Variants in LYPD1 observed in about 807,000 individuals in gnomAD.
LYPD1 encodes the protein ly6/PLAUR domain-containing protein 1.
In LYPD1, 14 loss-of-function variants were observed where a neutral mutation model predicts 14.2. That is an observed-to-expected ratio of 0.99 (90% CI 0.65 to 1.54). The LOEUF (loss-of-function observed/expected upper bound fraction) is 1.54, where lower values mean the gene tolerates loss of function less well. LYPD1 is among the 40% of genes most tolerant of loss of function. LYPD1 has a pLI of 0.00. For missense variants in LYPD1, 165 were observed against 175.7 expected, an observed-to-expected ratio of 0.94 and a Z score of 0.34; for synonymous variants, 85 against 70.6, an observed-to-expected ratio of 1.20 and a Z score of -1.02.
At chr2:132,650,598 A>G (rs1003758444) in intron 2 of LYPD1, among the ~76,000 whole-genome samples, 6 of 152,138 alleles carry the variant, frequency 3.9e-5, no homozygotes, top group Non-Finnish European at 8.8e-5. Flanking sequence ...CCAGTGTCTT[A>G]TCTGCACACT....
At chr2:132,650,730 AAAAAC>A (rs1290424205) in intron 2 of LYPD1, among the ~76,000 whole-genome samples, 1 of 54,890 alleles carries the variant, frequency 1.8e-5, no homozygotes, top group Non-Finnish European at 6.1e-5. Context: ...AAAAAAAACA[AAAAAC>A]AAAAACAAAA....
At chr2:132,667,778 G>A (rs920165411) in intron 2 of LYPD1, among the ~76,000 whole-genome samples, 1 of 152,162 alleles carries the variant, frequency 6.6e-6, no homozygotes. Flanking sequence ...TAGAGGGAGT[G>A]AGGGCTATCC....
At chr2:132,646,812 A>T (rs1051048798) in intron 2 of LYPD1, among the ~76,000 whole-genome samples, 2 of 152,186 alleles carry the variant, frequency 1.3e-5, no homozygotes, top group African/African-American at 4.8e-5. Flanking sequence ...TGAGTTTTCC[A>T]CGGGATTTAG....
rs530193488 is a variant in LYPD1, at chr2:132,645,886, C to T, written c.*159G>A. 2.0e-5 allele frequency: 13 copies of T among 660,640 alleles called. No homozygotes were observed. The highest frequency in any genetic ancestry group is 1.0e-4 in the Admixed American group (3 of 29,952). The allele number at this position is 660,640 out of a possible 1,614,324, so 40.9% of individuals were successfully genotyped here. On this transcript the variant is annotated 3_prime_UTR_variant, in exon 3 of 3. Coordinates refer to ENST00000397463, the MANE Select transcript of LYPD1 (RefSeq NM_144586.7). The stretch of plus-strand genomic sequence containing the variant: ...GCTGAATTTATTCAGAATGCTTTAC[C>T]GAGCTCTTTCATTATTTGCACAGGA...
rs1683530834 is a variant in LYPD1, at chr2:132,669,729, G to A, written c.52+152C>T. The A allele has an allele frequency of 1.4e-6, 2 of 1,423,110 alleles. No individual in the cohort carries two copies. The highest frequency in any genetic ancestry group is 1.8e-6 in the Non-Finnish European group (2 of 1,087,276). 88.2% of individuals were successfully genotyped at this position (1,423,110 alleles called of 1,614,324 possible). On this transcript the variant is annotated intron_variant, in intron 1 of 2. Transcript: ENST00000397463. The surrounding 1 kb of genome is among the most constrained non-coding windows in gnomAD (Gnocchi z 4.3). ...GGGACTTGGACACTTTCCCAGCCTCGCGCCCCGGGGCACCAGTCGCGGCCG... is the reference window on the plus strand; with the variant it reads ...GGGACTTGGACACTTTCCCAGCCTCACGCCCCGGGGCACCAGTCGCGGCCG...
At chr2:132,665,749 T>C (rs1318560238) in intron 2 of LYPD1, among the ~76,000 whole-genome samples, 2 of 152,260 alleles carry the variant, frequency 1.3e-5, no homozygotes, top group Non-Finnish European at 2.9e-5. Flanking sequence ...CCCAGAATCA[T>C]TGGGAAGTTT....
chr2:132,664,058 T>TGC (rs1683125272), intron 2 of LYPD1, among the ~76,000 whole-genome samples: 1 of 151,798 alleles, frequency 6.6e-6, no homozygotes, highest in Non-Finnish European at 1.5e-5. Context: ...TGTGTGTGTG[T>TGC]GCACATATGT....
chr2:132,655,715 C>T (rs1341495196), intron 2 of LYPD1, among the ~76,000 whole-genome samples: 2 of 151,908 alleles, frequency 1.3e-5, no homozygotes, highest in Admixed American at 6.6e-5. Flanking sequence ...GGGGTTTCAT[C>T]GTGTTAGCCA....
chr2:132,652,762 G>A (rs1682406651), intron 2 of LYPD1, among the ~76,000 whole-genome samples: 1 of 152,184 alleles, frequency 6.6e-6, no homozygotes, highest in African/African-American at 2.4e-5. Flanking sequence ...TCCTCTTTAA[G>A]TCTTTAGAGG....
At chr2:132,667,205 G>A (rs937553759) in intron 2 of LYPD1, among the ~76,000 whole-genome samples, 5 of 152,170 alleles carry the variant, frequency 3.3e-5, no homozygotes, top group African/African-American at 1.2e-4. Context: ...CTCGAGACAA[G>A]TTACCCTTGA....
chr2:132,645,999 G>T lies in LYPD1; in HGVS notation c.*46C>A, dbSNP rs376468874. 2.1e-6 allele frequency: 3 copies of T among 1,418,136 alleles called. No homozygotes were observed. In the African/African-American group the frequency reaches 4.3e-5, roughly 21 times the overall value. The allele number at this position is 1,418,136 out of a possible 1,614,324, so 87.8% of individuals were successfully genotyped here. On this transcript the variant is annotated 3_prime_UTR_variant, in exon 3 of 3. Transcript: ENST00000397463. Reference sequence around the variant, plus strand: ...CTCAGGGAGGTGGGGGGTTGGGGGCGAGGGCTGGAAGAACAATGCAGGAGG... The same window carrying T: ...CTCAGGGAGGTGGGGGGTTGGGGGCTAGGGCTGGAAGAACAATGCAGGAGG...
At chr2:132,665,003 A>G (rs931542962) in intron 2 of LYPD1, among the ~76,000 whole-genome samples, 6 of 152,248 alleles carry the variant, frequency 3.9e-5, no homozygotes, top group Admixed American at 3.9e-4. Flanking sequence ...TTAAATATCA[A>G]TTAGTAAGGA....
rs571454806 is a variant in LYPD1, at chr2:132,659,167, T to C, written c.190+9233A>G. Among the ~76,000 whole-genome samples the C allele has an allele frequency of 1.5e-4, 23 of 152,372 alleles. 1 individual carries two copies. In the South Asian group the frequency reaches 3.7e-3, roughly 25 times the overall value. On this transcript the variant is annotated intron_variant, in intron 2 of 2. Coordinates refer to ENST00000397463, the MANE Select transcript of LYPD1 (RefSeq NM_144586.7). ...GTATATTCAACTTGTCTTTATTCTA[T>C]TTTTCTTCTTATGCTAAACATTTAA...
chr2:132,663,708 G>A (rs866990065), intron 2 of LYPD1, among the ~76,000 whole-genome samples: 1 of 152,306 alleles, frequency 6.6e-6, no homozygotes, highest in South Asian at 2.1e-4. Context: ...GGGGTTAACA[G>A]TGAGAAATTA....
In LYPD1 at chr2:132,668,998, T is replaced by G. The variant is rs554879401; in HGVS notation, c.53-461A>C. ...GTCTTTTTAGTTTTTATTTATTTAA[T>G]TTTTAAAGTCAGCGTTTCTGTGCCA... On this transcript the variant is annotated intron_variant, in intron 1 of 2. Transcript: ENST00000397463. Among the ~76,000 whole-genome samples, 3 of 152,264 alleles carry G rather than the reference T, an allele frequency of 2.0e-5. No homozygotes were observed. The South Asian group carries it at 6.2e-4, about 31-fold the overall frequency.
intron 2 of LYPD1, among the ~76,000 whole-genome samples, chr2:132,657,591 C>T (rs1210327675): frequency 6.6e-6 from 1 of 152,152 alleles, no homozygotes; most frequent in Non-Finnish European, 1.5e-5. Flanking sequence ...GCACTTAACC[C>T]AAAGCACCCT....
At chr2:132,651,109 G>A (rs17396523) in intron 2 of LYPD1, among the ~76,000 whole-genome samples, 57,356 of 152,114 alleles carry the variant, frequency 0.38, 10,962 homozygotes, top group South Asian at 0.53. Context: ...TGTCTCTGGC[G>A]TGAGATTCTA....
Position 132,669,716 on chromosome 2 carries a change from C to T in LYPD1, c.52+165G>A. The T allele has an allele frequency of 1.4e-6, 2 of 1,395,622 alleles. No homozygotes were observed. Among genetic ancestry groups the T allele is most frequent in the Non-Finnish European group, 9.4e-7 (1 of 1,064,454 alleles). 86.5% of individuals were successfully genotyped at this position (1,395,622 alleles called of 1,614,324 possible). A position where few individuals can be genotyped will look rare whatever the true frequency, so the allele number is the denominator to read the frequency against. On this transcript the variant is annotated intron_variant, in intron 1 of 2. Transcript: ENST00000397463. This position sits in a 1 kb window ranked among gnomAD's most constrained non-coding sequence, Gnocchi z 4.3. ...CCTCCTGCAGCGCGGGACTTGGACA[C>T]TTTCCCAGCCTCGCGCCCCGGGGCA... is the stretch of plus-strand genomic sequence containing the variant.
rs1682029033 is a variant in LYPD1, at chr2:132,645,670, C to T, written c.*375G>A. ...CAGCCCTAAGAAAACGTCACTCTCA[C>T]TCTGCAGTCTCAAACTATGCCCCCA... On this transcript the variant is annotated 3_prime_UTR_variant, in exon 3 of 3. Coordinates refer to ENST00000397463, the MANE Select transcript of LYPD1 (RefSeq NM_144586.7). 1.3e-6 allele frequency: 2 copies of T among 1,546,522 alleles called. No individual in the cohort carries two copies. The highest frequency in any genetic ancestry group is 1.7e-6 in the Non-Finnish European group (2 of 1,148,304).
Sources: allele counts gnomAD v4.1 joint callset (sites outside exome capture counted in the v4.1 genomes callset), GRCh38; gene constraint gnomAD v4.1.1; non-coding constraint Gnocchi (gnomAD v3.1); transcripts MANE v1.5; gene names NCBI Gene and HGNC (gene_info 2026-07-23, HGNC 2026-07-21).